Variants in GRIK2 observed in about 807,000 individuals in gnomAD.
GRIK2 encodes the protein glutamate receptor ionotropic, kainate 2.
GRIK2 carries 32 observed loss-of-function variants against 100.3 expected under a neutral mutation model. The ratio of observed to expected loss-of-function variants is 0.32; its 90% confidence interval spans 0.24 to 0.43. The LOEUF (loss-of-function observed/expected upper bound fraction) is 0.43, where lower values mean the gene tolerates loss of function less well. GRIK2 is among the 20% of genes least tolerant of loss of function. The pLI is 1.00. For synonymous variants in GRIK2, 417 were observed against 389.4 expected (o/e 1.07, Z -0.83); for missense variants, 843 against 1,114.9 (o/e 0.76, Z 3.47).
At chr6:101,677,233 C>A (rs1422613587) in intron 5 of GRIK2, among the ~76,000 whole-genome samples, 2 of 152,084 alleles carry the variant, frequency 1.3e-5, no homozygotes, top group Non-Finnish European at 2.9e-5. Flanking sequence ...GATCTTATTT[C>A]ATCATCACTA....
chr6:101,607,988 C>T (rs1313065233), intron 2 of GRIK2, among the ~76,000 whole-genome samples: 1 of 151,276 alleles, frequency 6.6e-6, no homozygotes, highest in Non-Finnish European at 1.5e-5. Context: ...TTTGCCAGTA[C>T]CAGCTTGGCT....
At position 101,906,366 on chromosome 6, in the gene GRIK2, C is replaced by CTCTCTGTGTGTGTGTGTG. The variant is rs1554283801; in HGVS notation, c.1748+16504_1748+16505insCTCTGTGTGTGTGTGTGT. Among the ~76,000 whole-genome samples the CTCTCTGTGTGTGTGTGTG allele has an allele frequency of 1.8e-3, 268 of 145,926 alleles. 1 individual carries two copies. The highest frequency in any genetic ancestry group is 5.8e-3 in the African/African-American group (233 of 40,138). On this transcript the variant is annotated intron_variant, in intron 12 of 16. Coordinates refer to ENST00000369134, the MANE Select transcript of GRIK2 (RefSeq NM_021956.5). ...TTGAATCATAACTATAAAACAAGAT[C>CTCTCTGTGTGTGTGTGTG]TGTGTGTGTGTGTGTGTGTTTGTGT...
At chr6:101,728,843 A>G (rs1235591557) in intron 7 of GRIK2, among the ~76,000 whole-genome samples, 1 of 152,090 alleles carries the variant, frequency 6.6e-6, no homozygotes, top group African/African-American at 2.4e-5. Context: ...CTAATAACTG[A>G]GGCTATAAAA....
At position 101,921,728 on chromosome 6, in the gene GRIK2, G is replaced by A. The variant is rs999771949; in HGVS notation, c.1749-2873G>A. Among the ~76,000 whole-genome samples the A allele has an allele frequency of 2.0e-4, 31 of 151,906 alleles. 2 individuals carry two copies. Among genetic ancestry groups the A allele is most frequent in the South Asian group, 6.2e-4 (3 of 4,822 alleles). On this transcript the variant is annotated intron_variant, in intron 12 of 16. Coordinates refer to ENST00000369134, the MANE Select transcript of GRIK2 (RefSeq NM_021956.5). ...GAGATATTGCTTGAAAGTGGGAATC[G>A]GAGATAAAAAGAATTGACTTACCTT...
chr6:101,741,957 G>A (rs1776055068), intron 7 of GRIK2, among the ~76,000 whole-genome samples: 1 of 152,130 alleles, frequency 6.6e-6, no homozygotes, highest in South Asian at 2.1e-4. Flanking sequence ...CTAATAAATA[G>A]CAAAGCTGGG....
At chr6:101,405,777 A>G (rs1460400720) in intron 2 of GRIK2, among the ~76,000 whole-genome samples, 2 of 152,226 alleles carry the variant, frequency 1.3e-5, no homozygotes, top group African/African-American at 2.4e-5. Flanking sequence ...TCAGTCACAT[A>G]TGAGATTATT....
chr6:101,969,225 A>G (rs1360622433), intron 14 of GRIK2, among the ~76,000 whole-genome samples: 1 of 151,980 alleles, frequency 6.6e-6, no homozygotes, highest in Non-Finnish European at 1.5e-5. Context: ...GCAAACAGCT[A>G]TTGTATTAAT....
chr6:101,911,821 C>T (rs1174636865), intron 12 of GRIK2, among the ~76,000 whole-genome samples: 1 of 151,342 alleles, frequency 6.6e-6, no homozygotes, highest in African/African-American at 2.4e-5. Context: ...TCTTATTACA[C>T]AATAATACAC....
chr6:101,788,378 G>A (rs1779583897), intron 7 of GRIK2, among the ~76,000 whole-genome samples: 1 of 147,716 alleles, frequency 6.8e-6, no homozygotes, highest in African/African-American at 2.5e-5. Context: ...CCCCACAATA[G>A]TACCCAGAGT....
At chr6:102,068,204 T>C in intron 16 of GRIK2, 143 bp from the exon 17 acceptor site, 1 of 596,054 alleles carries the variant, frequency 1.7e-6, no homozygotes, top group Non-Finnish European at 2.9e-6. Flanking sequence ...AAGTGTGACA[T>C]TTGTTATAAC....
chr6:101,747,356 A>G (rs1776481710), intron 7 of GRIK2, among the ~76,000 whole-genome samples: 1 of 152,198 alleles, frequency 6.6e-6, no homozygotes. Flanking sequence ...CAGGTGTGAT[A>G]AGGCTTGGCA....
At chr6:101,424,104 C>A (rs79197496) in intron 2 of GRIK2, among the ~76,000 whole-genome samples, 5 of 151,972 alleles carry the variant, frequency 3.3e-5, no homozygotes, top group Non-Finnish European at 5.9e-5. Context: ...ATTCAACTTG[C>A]AATAAAATTC....
chr6:101,737,082 G>A (rs541130259), intron 7 of GRIK2, among the ~76,000 whole-genome samples: 26 of 151,822 alleles, frequency 1.7e-4, no homozygotes, highest in South Asian at 4.2e-4. Flanking sequence ...ATCTCCACCC[G>A]AGACCACCTC....
At chr6:101,827,113 C>A (rs893102091) in intron 10 of GRIK2, among the ~76,000 whole-genome samples, 3 of 151,838 alleles carry the variant, frequency 2.0e-5, no homozygotes, top group South Asian at 4.2e-4. Flanking sequence ...TTATGGCCAA[C>A]AAGACTTAGA....
intron 7 of GRIK2, among the ~76,000 whole-genome samples, chr6:101,725,509 G>A (rs1440383181): frequency 1.3e-5 from 2 of 151,870 alleles, no homozygotes; most frequent in African/African-American, 4.8e-5. Context: ...TATATCTGTG[G>A]GACAATAGAC....
At chr6:101,396,910 A>T (rs1011481435) in intron 1 of GRIK2, among the ~76,000 whole-genome samples, 4 of 151,698 alleles carry the variant, frequency 2.6e-5, no homozygotes, top group Admixed American at 1.3e-4. Context: ...AATTAATATT[A>T]AAAAAGTACA....
At chr6:101,400,408 A>G (rs546671555) in intron 2 of GRIK2, among the ~76,000 whole-genome samples, 1 of 152,182 alleles carries the variant, frequency 6.6e-6, no homozygotes, top group Non-Finnish European at 1.5e-5. Context: ...TAGGAGCAGA[A>G]CTAGTCAGGG....
At chr6:101,857,641 C>G (rs1473315132) in intron 10 of GRIK2, among the ~76,000 whole-genome samples, 2 of 152,178 alleles carry the variant, frequency 1.3e-5, no homozygotes, top group African/African-American at 4.8e-5. Context: ...ATAGCTTCCT[C>G]TAAGATAACA....
chr6:102,067,021 C>A (rs1772050608), intron 16 of GRIK2, among the ~76,000 whole-genome samples: 1 of 151,616 alleles, frequency 6.6e-6, no homozygotes, highest in African/African-American at 2.4e-5. Flanking sequence ...AGAAAGTTAT[C>A]CAACCTCTCT....
Sources: gnomAD v4.1 joint callset for allele counts (sites outside exome capture counted in the v4.1 genomes callset) on GRCh38, gnomAD v4.1.1 for gene constraint, MANE v1.5 for transcripts, NCBI Gene and HGNC (gene_info 2026-07-23, HGNC 2026-07-21) for gene names.